The following ESR2 variants were observed in gnomAD, a reference collection of about 807,000 sequenced individuals.
ESR2 encodes estrogen receptor beta.
In ESR2, 36 loss-of-function variants were observed where a neutral mutation model predicts 49.6. The observed-to-expected ratio is 0.73, with a 90% CI of 0.56 to 0.96. ESR2 has a LOEUF of 0.96. ESR2 is among the 40% of genes least tolerant of loss of function. ESR2 has a pLI of 0.00. For synonymous variants in ESR2, 320 were observed against 266.1 expected (o/e 1.20, Z -1.97); for missense variants, 714 against 693.0 (o/e 1.03, Z -0.34).
chr14:64,263,373 A>C (rs2076258920), intron 4 of ESR2, among the ~76,000 whole-genome samples: 1 of 152,170 alleles, frequency 6.6e-6, no homozygotes, highest in African/African-American at 2.4e-5. Context: ...CAAAACAACA[A>C]AGGCCAGGTG....
downstream of ESR2, chr14:64,227,928 A>G (rs745969976): frequency 1.3e-6 from 2 of 1,597,324 alleles, no homozygotes; most frequent in Admixed American, 1.7e-5. Flanking sequence ...TTTTCTCCCC[A>G]TCTGTAAAGG....
rs2098725069 is a variant in ESR2, at chr14:64,229,249, C to A, written c.*3888G>T. Among the ~76,000 whole-genome samples, 1 of 152,106 alleles carries A rather than the reference C, an allele frequency of 6.6e-6. No homozygotes were observed. Among genetic ancestry groups the A allele is most frequent in the African/African-American group, 2.4e-5 (1 of 41,418 alleles). ...CAGAAGACAACCCTAACTTCACCGC[C>A]CCTCCATTCTGCTGCGACTCAGCTC... On this transcript the variant is annotated 3_prime_UTR_variant, in exon 9 of 9. Transcript: ENST00000341099.
chr14:64,272,023 A>G (rs2076458021), intron 3 of ESR2, among the ~76,000 whole-genome samples: 1 of 152,234 alleles, frequency 6.6e-6, no homozygotes, highest in Non-Finnish European at 1.5e-5. Flanking sequence ...TCTGACCAAC[A>G]GTATACCAGG....
intron 1 of ESR2, among the ~76,000 whole-genome samples, chr14:64,286,776 T>C (rs549332569): frequency 5.9e-5 from 9 of 152,254 alleles, no homozygotes; most frequent in African/African-American, 2.2e-4. Flanking sequence ...AGTGCAGTGG[T>C]GTGATCTCGG....
At chr14:64,335,706 C>G (rs1374896191) in intron 1 of ESR2, 1 of 151,722 alleles carries the variant, frequency 6.6e-6, no homozygotes, top group Non-Finnish European at 1.5e-5. Flanking sequence ...TCTCCCATAT[C>G]TACACATTTA....
Position 64,244,062 on chromosome 14 carries a change from G to T in ESR2, c.1225+5484C>A, listed in dbSNP as rs1163186358. Among the ~76,000 whole-genome samples, 3 of 152,026 alleles carry T rather than the reference G, an allele frequency of 2.0e-5. No homozygotes were observed. The East Asian group carries it at 5.8e-4, about 29-fold the overall frequency. On this transcript the variant is annotated intron_variant, in intron 7 of 8. Transcript: ENST00000341099. Reference sequence around the variant, plus strand: ...GATAGCAGATAAAGCATTATTTCTGGGTATGTCTGTGAGAGTGTTCCAGGA... The same window carrying T: ...GATAGCAGATAAAGCATTATTTCTGTGTATGTCTGTGAGAGTGTTCCAGGA...
rs374768593 is a variant in ESR2, at chr14:64,249,631, G to C, written c.1140C>G (p.Leu380=). 1 of 1,613,800 alleles carries C rather than the reference G, an allele frequency of 6.2e-7. No homozygotes were observed. Residue 380 remains leucine, a synonymous_variant, in exon 7 of 9, where the codon CTC becomes CTG. Coordinates refer to ENST00000341099, the MANE Select transcript of ESR2 (RefSeq NM_001437.3). ...VEGILEIFDM[L]LATTSRFREL... is the part of the protein sequence containing the mutation. ...CTCGAAACCTTGAAGTAGTTGCCAG[G>C]AGCATGTCAAAGATTTCCAGAATTC...
intron 1 of ESR2, among the ~76,000 whole-genome samples, chr14:64,309,798 C>T (rs1420421661): frequency 6.6e-6 from 1 of 151,652 alleles, no homozygotes; most frequent in Non-Finnish European, 1.5e-5. Flanking sequence ...GGTGAAAGCT[C>T]GTCTCTGGCC....
At chr14:64,274,527 C>T (rs1009556702) in intron 3 of ESR2, among the ~76,000 whole-genome samples, 2 of 151,926 alleles carry the variant, frequency 1.3e-5, no homozygotes, top group African/African-American at 4.8e-5. Context: ...AAAGATCTGT[C>T]AGGTTTATTT....
At chr14:64,318,537 C>CAAAAAAAAAAAAAAAAAAAAAAAAAAA in intron 1 of ESR2, among the ~76,000 whole-genome samples, 1 of 32,426 alleles carries the variant, frequency 3.1e-5, no homozygotes, top group Non-Finnish European at 5.7e-5. Context: ...AACTCCATCT[C>CAAAAAAAAAAAAAAAAAAAAAAAAAAA]AAAAAAAAAA....
At chr14:64,279,935 A>T in intron 3 of ESR2, 46 bp downstream of exon 3, 1 of 1,541,186 alleles carries the variant, frequency 6.5e-7, no homozygotes, top group Non-Finnish European at 9.0e-7. Context: ...AATTGTTTGA[A>T]ATCAAAAGTA....
intron 1 of ESR2, among the ~76,000 whole-genome samples, chr14:64,325,331 G>A (rs956206072): frequency 2.0e-5 from 3 of 152,136 alleles, no homozygotes; most frequent in African/African-American, 7.2e-5. Flanking sequence ...TAGGAAATAA[G>A]AGGAGAGAAA....
Position 64,282,923 on chromosome 14 carries a change from G to A in ESR2, c.63C>T (p.Ser21=). 6.2e-7 allele frequency: 1 copy of A among 1,614,046 alleles called. No homozygotes were observed. The highest frequency in any genetic ancestry group is 1.1e-5 in the South Asian group (1 of 91,062). ...TGGAGCCGTGCTCCAGGGGTAAGATGGATTGACTGCAGTTGTAGGAGGAAG... is the reference window on the plus strand; with the variant it reads ...TGGAGCCGTGCTCCAGGGGTAAGATAGATTGACTGCAGTTGTAGGAGGAAG... ...NSPSSYNCSQ[S]ILPLEHGSIY... Residue 21 remains serine (S), a synonymous_variant, in exon 2 of 9, where the codon TCC becomes TCT. Transcript: ENST00000341099.
chr14:64,248,549 G>T (rs1269285531), intron 7 of ESR2, among the ~76,000 whole-genome samples: 1 of 151,050 alleles, frequency 6.6e-6, no homozygotes, highest in Non-Finnish European at 1.5e-5. Context: ...GAAAGGAATG[G>T]TCACCAAAGT....
At chr14:64,325,676 C>G (rs968019597) in intron 1 of ESR2, among the ~76,000 whole-genome samples, 1 of 152,058 alleles carries the variant, frequency 6.6e-6, no homozygotes, top group Non-Finnish European at 1.5e-5. Context: ...TCTGCTACCC[C>G]GGAGACAGCA....
intron 1 of ESR2, chr14:64,301,511 C>G (rs1158247657): frequency 6.6e-6 from 1 of 152,206 alleles, no homozygotes; most frequent in African/African-American, 2.4e-5. Flanking sequence ...CACCTGTAGG[C>G]TACAAACTAC....
chr14:64,246,276 C>T (rs2075853039), intron 7 of ESR2, among the ~76,000 whole-genome samples: 1 of 152,172 alleles, frequency 6.6e-6, no homozygotes, highest in Admixed American at 6.5e-5. Flanking sequence ...GTAATTGAAT[C>T]ATGGGGGCAG....
intron 7 of ESR2, 104 bp downstream of exon 7, chr14:64,249,442 C>T (rs1183079938): frequency 7.6e-7 from 1 of 1,315,686 alleles, no homozygotes; most frequent in Admixed American, 2.3e-5. Context: ...ACCATTTTAC[C>T]CTTTCAAATA....
intron 6 of ESR2, among the ~76,000 whole-genome samples, chr14:64,252,594 C>G (rs1250859766): frequency 6.6e-6 from 1 of 152,100 alleles, no homozygotes; most frequent in African/African-American, 2.4e-5. Context: ...ACAATCATGG[C>G]AGAGAGCAAA....
Sources: allele counts gnomAD v4.1 joint callset (sites outside exome capture counted in the v4.1 genomes callset), GRCh38; gene constraint gnomAD v4.1.1; transcripts MANE v1.5; gene names NCBI Gene and HGNC (gene_info 2026-07-23, HGNC 2026-07-21).